The following PXDNL variants were observed in gnomAD, a reference collection of about 807,000 sequenced individuals.
The protein encoded by PXDNL is peroxidasin like.
A neutral mutation model predicts 150.8 loss-of-function variants in PXDNL; 145 were observed. That is an observed-to-expected ratio of 0.96 (90% CI 0.84 to 1.10). PXDNL has a LOEUF of 1.10. Among genes scored for constraint, PXDNL ranks in the 50% least tolerant of loss-of-function variants. The pLI is 0.00. For missense variants in PXDNL, 2,087 were observed against 1,873.9 expected (o/e 1.11, Z -2.10); for synonymous variants, 757 against 725.7 (o/e 1.04, Z -0.69).
intron 1 of PXDNL, among the ~76,000 whole-genome samples, chr8:51,696,543 G>C (rs1403911172): frequency 6.6e-6 from 1 of 151,988 alleles, no homozygotes; most frequent in Non-Finnish European, 1.5e-5. Context: ...CTTCTGGGCA[G>C]AGCAGGATGT....
chr8:51,606,936 T>C (rs575211352), intron 2 of PXDNL, among the ~76,000 whole-genome samples: 2 of 152,288 alleles, frequency 1.3e-5, no homozygotes, highest in South Asian at 4.1e-4. Context: ...GTTCTTTTGC[T>C]CACTGTCAAC....
chr8:51,775,993 C>CT, intron 1 of PXDNL, among the ~76,000 whole-genome samples: 1 of 152,144 alleles, frequency 6.6e-6, no homozygotes, highest in East Asian at 1.9e-4. Context: ...GGGGAGGTCT[C>CT]TAAAATGGCC....
Position 51,437,110 on chromosome 8 carries a change from A to G in PXDNL, c.1525+9894T>C, listed in dbSNP as rs1182921623. ...ACTAGAAAACCTAGAGGAGATGGAT[A>G]TATTCCTGGAAATATACAACCTTCC... On this transcript the variant is annotated intron_variant, in intron 12 of 22. Coordinates refer to ENST00000356297, the MANE Select transcript of PXDNL (RefSeq NM_144651.5). Among the ~76,000 whole-genome samples, 3 of 152,334 alleles carry G rather than the reference A, an allele frequency of 2.0e-5. No individual in the cohort carries two copies. In the East Asian group the frequency reaches 5.8e-4, roughly 29 times the overall value.
intron 3 of PXDNL, among the ~76,000 whole-genome samples, chr8:51,589,524 C>T (rs779213891): frequency 7.3e-5 from 11 of 150,068 alleles, no homozygotes; most frequent in Non-Finnish European, 1.5e-4. Context: ...ACAGTAAAAG[C>T]CATTCTCATG....
chr8:51,734,887 TA>T (rs1817002085), intron 1 of PXDNL, among the ~76,000 whole-genome samples: 1 of 152,154 alleles, frequency 6.6e-6, no homozygotes, highest in Non-Finnish European at 1.5e-5. Flanking sequence ...TGAATTGAAA[TA>T]AACATAATAG....
intron 13 of PXDNL, 30 bp downstream of exon 13, chr8:51,426,616 A>C (rs1423447212): frequency 2.4e-6 from 3 of 1,251,904 alleles, no homozygotes; most frequent in Non-Finnish European, 3.5e-6. Flanking sequence ...AGTGTTTTTA[A>C]TATTACTGTA....
rs117671350 is a variant in PXDNL, at chr8:51,780,112, T to A, written c.164+29069A>T. 9.1e-3 allele frequency among the ~76,000 whole-genome samples: 1,382 copies of A among 152,188 alleles called. 8 individuals carry two copies. The highest frequency in any genetic ancestry group is 0.031 in the South Asian group (150 of 4,814). Reference sequence around the variant, plus strand: ...TGTAATCCCAAACTACTGAGGAGGCTGAGGCAGGAGAATCACTTGAATTCA... The same window carrying A: ...TGTAATCCCAAACTACTGAGGAGGCAGAGGCAGGAGAATCACTTGAATTCA... On this transcript the variant is annotated intron_variant, in intron 1 of 22. Coordinates refer to ENST00000356297, the MANE Select transcript of PXDNL (RefSeq NM_144651.5).
At chr8:51,665,144 G>A (rs970222229) in intron 1 of PXDNL, among the ~76,000 whole-genome samples, 6 of 152,136 alleles carry the variant, frequency 3.9e-5, no homozygotes, top group African/African-American at 1.2e-4. Flanking sequence ...TTTCCTTAGA[G>A]AGACATTCCC....
At chr8:51,324,560 C>A (rs532441886) in intron 21 of PXDNL, among the ~76,000 whole-genome samples, 57 of 152,286 alleles carry the variant, frequency 3.7e-4, no homozygotes, top group African/African-American at 1.3e-3. Flanking sequence ...CTGAATGACA[C>A]AAATGTTGGA....
At chr8:51,659,098 C>A (rs952288893) in intron 1 of PXDNL, among the ~76,000 whole-genome samples, 2 of 152,106 alleles carry the variant, frequency 1.3e-5, no homozygotes, top group African/African-American at 2.4e-5. Context: ...TAAAATGTAG[C>A]ATTGTATTTT....
chr8:51,649,523 T>C (rs941306528), intron 2 of PXDNL, among the ~76,000 whole-genome samples: 8 of 152,072 alleles, frequency 5.3e-5, no homozygotes, highest in East Asian at 1.9e-4. Flanking sequence ...AGTAAAACAA[T>C]TTACTCAAGG....
At chr8:51,751,927 C>T (rs2037049161) in intron 1 of PXDNL, among the ~76,000 whole-genome samples, 1 of 152,150 alleles carries the variant, frequency 6.6e-6, no homozygotes, top group South Asian at 2.1e-4. Context: ...GCTGCTATTT[C>T]TTGTGGCCCA....
At chr8:51,442,803 C>T (rs16916288) in intron 12 of PXDNL, among the ~76,000 whole-genome samples, 5,795 of 151,912 alleles carry the variant, frequency 0.038, 347 homozygotes, top group African/African-American at 0.13. Flanking sequence ...CGTGTGGATA[C>T]GCAAGGGCTT....
intron 5 of PXDNL, among the ~76,000 whole-genome samples, chr8:51,490,168 G>A (rs780350770): frequency 6.6e-6 from 1 of 152,088 alleles, no homozygotes; most frequent in Non-Finnish European, 1.5e-5. Flanking sequence ...ATGAACCAAA[G>A]ACATGACATT....
intron 8 of PXDNL, among the ~76,000 whole-genome samples, chr8:51,470,146 A>C (rs1460196463): frequency 1.3e-5 from 2 of 152,120 alleles, no homozygotes; most frequent in Non-Finnish European, 2.9e-5. Flanking sequence ...AAGACATTAC[A>C]AGCAGCGATT....
At position 51,319,740 on chromosome 8, in the gene PXDNL, G is replaced by T. The variant is rs1805259932; in HGVS notation, c.*151C>A. Reference sequence around the variant, plus strand: ...TATGTTAGAAAATGAAAAAATAAAAGATCGTAAGTATATGTAAGATTAGAT... The same window carrying T: ...TATGTTAGAAAATGAAAAAATAAAATATCGTAAGTATATGTAAGATTAGAT... On this transcript the variant is annotated 3_prime_UTR_variant, in exon 23 of 23. Transcript: ENST00000356297. 3 of 526,428 alleles carry T rather than the reference G, an allele frequency of 5.7e-6. No homozygotes were observed. The highest frequency in any genetic ancestry group is 9.4e-5 in the South Asian group (1 of 10,664). 32.6% of individuals were successfully genotyped at this position (526,428 alleles called of 1,614,324 possible).
At chr8:51,762,123 AT>A in intron 1 of PXDNL, among the ~76,000 whole-genome samples, 1 of 152,046 alleles carries the variant, frequency 6.6e-6, no homozygotes, top group African/African-American at 2.4e-5. Context: ...TAGAGCTCTG[AT>A]TTTTTTTATC....
intron 1 of PXDNL, among the ~76,000 whole-genome samples, chr8:51,689,637 G>C (rs551892832): frequency 6.6e-6 from 1 of 152,086 alleles, no homozygotes; most frequent in African/African-American, 2.4e-5. Context: ...GCCCTATGCT[G>C]AAGGAAGAGA....
At chr8:51,635,758 C>T (rs942074790) in intron 2 of PXDNL, among the ~76,000 whole-genome samples, 7 of 151,890 alleles carry the variant, frequency 4.6e-5, no homozygotes, top group East Asian at 1.9e-4. Flanking sequence ...TAGTTTCACT[C>T]GTAAATTTTA....
Sources: allele counts gnomAD v4.1 joint callset (sites outside exome capture counted in the v4.1 genomes callset), GRCh38; gene constraint gnomAD v4.1.1; transcripts MANE v1.5; gene names NCBI Gene and HGNC (gene_info 2026-07-23, HGNC 2026-07-21).